The following DDX47 variants were observed in gnomAD, a reference collection of about 807,000 sequenced individuals.
DDX47 encodes probable ATP-dependent RNA helicase DDX47.
A neutral mutation model predicts 58.8 loss-of-function variants in DDX47; 60 were observed. The observed-to-expected ratio is 1.02, with a 90% CI of 0.83 to 1.26. DDX47 has a LOEUF of 1.26. DDX47 is among the 50% of genes most tolerant of loss of function. The pLI, the probability that DDX47 is intolerant of heterozygous loss-of-function variation, is 0.00. For synonymous variants in DDX47, 197 were observed against 204.6 expected (o/e 0.96, Z 0.32); for missense variants, 530 against 573.2 (o/e 0.92, Z 0.77).
intron 1 of DDX47, 92 bp downstream of exon 1, chr12:12,813,546 A>G (rs1471439702): frequency 1.6e-5 from 19 of 1,181,324 alleles, no homozygotes; most frequent in Non-Finnish European, 2.2e-5. Flanking sequence ...GATAGTGTAC[A>G]AAAGCATCTT....
chr12:12,822,662 T>G lies in DDX47; in HGVS notation c.563T>G (p.Val188Gly), dbSNP rs778387970. 6.2e-7 allele frequency: 1 copy of G among 1,613,826 alleles called. No individual in the cohort carries two copies. The highest frequency in any genetic ancestry group is 8.5e-7 in the Non-Finnish European group (1 of 1,179,780). Residue 188 changes from valine to glycine, a missense_variant and splice_region_variant, in exon 6 of 12, where the codon GTT (valine) becomes GGT (glycine). By Grantham distance (109) the Val-to-Gly change is moderately radical. Coordinates refer to ENST00000358007, the MANE Select transcript of DDX47 (RefSeq NM_016355.4). ...CATCTTTTCCTCTTTGTGCTTTAGG[T>G]TGACAAGATCCTCAAAGTGATTCCT... ...RILNMDFETEVDKILKVIPRD... is the reference protein window; with the variant it reads ...RILNMDFETEGDKILKVIPRD...
Position 12,821,191 on chromosome 12 carries a change from A to G in DDX47, c.182-17A>G. 6.2e-7 allele frequency: 1 copy of G among 1,613,466 alleles called. No individual in the cohort carries two copies. Among genetic ancestry groups the G allele is most frequent in the African/African-American group, 1.3e-5 (1 of 74,902 alleles). On this transcript the variant is annotated splice_polypyrimidine_tract_variant and intron_variant, in intron 2 of 11. Transcript: ENST00000358007. ...CGCAAAGAGATTACTTGGCTGTTGA[A>G]TTTCTTTTTCTTTTAGGTCGTGATA... is the stretch of plus-strand genomic sequence containing the variant.
chr12:12,823,382 T>C (rs1863002587), intron 7 of DDX47, 63 bp downstream of exon 7: 1 of 1,018,294 alleles, frequency 9.8e-7, no homozygotes, highest in Non-Finnish European at 1.6e-6. Context: ...CATCTGAAAA[T>C]GTGTCAACTC....
intron 2 of DDX47, among the ~76,000 whole-genome samples, chr12:12,816,478 A>G (rs757420690): frequency 2.6e-5 from 4 of 152,174 alleles, no homozygotes; most frequent in African/African-American, 4.8e-5. Flanking sequence ...TTTTTTGTCA[A>G]TTAACAAAAC....
chr12:12,813,775 A>G (rs1862850981), intron 1 of DDX47, among the ~76,000 whole-genome samples: 1 of 152,228 alleles, frequency 6.6e-6, no homozygotes, highest in Non-Finnish European at 1.5e-5. Flanking sequence ...TGAACCAACC[A>G]GATTTGAATT....
chr12:12,819,053 T>C (rs1380279595), intron 2 of DDX47, among the ~76,000 whole-genome samples: 1 of 152,214 alleles, frequency 6.6e-6, no homozygotes, highest in African/African-American at 2.4e-5. Context: ...GATTAATGTT[T>C]AAGAGGTGGA....
rs1478098663 is a variant in DDX47 at position 12,829,958 on chromosome 12, A to T, written c.*404A>T. 1 of 153,540 alleles carries T rather than the reference A, an allele frequency of 6.5e-6. No homozygotes were observed. Among genetic ancestry groups the T allele is most frequent in the Non-Finnish European group, 1.4e-5 (1 of 68,972 alleles). 9.5% of individuals were successfully genotyped at this position (153,540 alleles called of 1,614,324 possible). On this transcript the variant is annotated 3_prime_UTR_variant, in exon 12 of 12. Coordinates refer to ENST00000358007, the MANE Select transcript of DDX47 (RefSeq NM_016355.4). ...TTATTCAAACTAATGTGAAACAATA[A>T]ATTTAAATATTATTTTTAAAAGATT...
Position 12,829,661 on chromosome 12 carries a change from GA to G in DDX47, c.*109del. On this transcript the variant is annotated 3_prime_UTR_variant, in exon 12 of 12. Coordinates refer to ENST00000358007, the MANE Select transcript of DDX47 (RefSeq NM_016355.4). ...CTGAAATTGGTCAGAATTGTGTCCA[GA>G]ATGTGCTCAGCTAATTCAGTATTCT... The G allele has an allele frequency of 1.4e-6, 2 of 1,386,842 alleles. No individual in the cohort carries two copies. The highest frequency in any genetic ancestry group is 1.9e-6 in the Non-Finnish European group (2 of 1,029,996). The allele number at this position is 1,386,842 out of a possible 1,614,324, so 85.9% of individuals were successfully genotyped here.
chr12:12,826,668 T>C (rs1405679081), intron 10 of DDX47, among the ~76,000 whole-genome samples: 1 of 152,202 alleles, frequency 6.6e-6, no homozygotes, highest in Non-Finnish European at 1.5e-5. Context: ...CAGGCTGGTC[T>C]TGAACTCCTG....
chr12:12,819,349 CTT>C (rs759308262), intron 2 of DDX47, among the ~76,000 whole-genome samples: 11 of 139,462 alleles, frequency 7.9e-5, no homozygotes, highest in Admixed American at 1.5e-4. Flanking sequence ...ATCTATGGAG[CTT>C]TTTTTTTTTT....
At chr12:12,816,495 A>G (rs972315457) in intron 2 of DDX47, among the ~76,000 whole-genome samples, 1 of 152,122 alleles carries the variant, frequency 6.6e-6, no homozygotes, top group African/African-American at 2.4e-5. Context: ...AAACTGGGGG[A>G]CAATAAAAAA....
intron 2 of DDX47, among the ~76,000 whole-genome samples, chr12:12,816,885 G>A (rs1035353960): frequency 6.6e-6 from 1 of 152,110 alleles, no homozygotes. Flanking sequence ...TAGGTGAGAA[G>A]GAGTCAAAAT....
chr12:12,814,412 A>G, intron 2 of DDX47, 188 bp downstream of exon 2: 1 of 533,110 alleles, frequency 1.9e-6, no homozygotes, highest in East Asian at 3.4e-5. Context: ...TTAATAGCTG[A>G]AAGGGTTTGT....
At chr12:12,819,432 A>G (rs1161244815) in intron 2 of DDX47, among the ~76,000 whole-genome samples, 2 of 151,142 alleles carry the variant, frequency 1.3e-5, no homozygotes, top group Admixed American at 1.3e-4. Context: ...GACCGGGCAT[A>G]TATATATATG....
intron 3 of DDX47, 90 bp downstream of exon 3, chr12:12,821,486 C>A: frequency 6.6e-7 from 1 of 1,513,202 alleles, no homozygotes; most frequent in South Asian, 1.1e-5. Flanking sequence ...GTATTGCTAG[C>A]ATAATTTATT....
intron 8 of DDX47, 83 bp from the exon 9 acceptor site, chr12:12,824,457 T>G: frequency 1.4e-6 from 2 of 1,477,658 alleles, no homozygotes; most frequent in Non-Finnish European, 1.8e-6. Flanking sequence ...TTTATGTCTG[T>G]TTGTTCTCGT....
intron 2 of DDX47, among the ~76,000 whole-genome samples, chr12:12,820,964 G>A (rs1302337585): frequency 6.6e-6 from 1 of 152,072 alleles, no homozygotes; most frequent in East Asian, 1.9e-4. Flanking sequence ...GCTGTATTTT[G>A]CAGGGGCTTA....
Position 12,821,166 on chromosome 12 carries a change from C to T in DDX47, c.182-42C>T, listed in dbSNP as rs137901890. 59 of 1,589,392 alleles carry T rather than the reference C, an allele frequency of 3.7e-5. No individual in the cohort carries two copies. In the East Asian group the frequency reaches 5.6e-4, roughly 15 times the overall value. On this transcript the variant is annotated intron_variant, in intron 2 of 11. Coordinates refer to ENST00000358007, the MANE Select transcript of DDX47 (RefSeq NM_016355.4). ...GTCATTGTAGAAAACACAGAAATAG[C>T]GCAAAGAGATTACTTGGCTGTTGAA... is the stretch of plus-strand genomic sequence containing the variant.
chr12:12,819,031 C>T (rs1326522037), intron 2 of DDX47, among the ~76,000 whole-genome samples: 1 of 152,140 alleles, frequency 6.6e-6, no homozygotes, highest in African/African-American at 2.4e-5. Context: ...CATGGCAGAT[C>T]CTGGTTTAAC....
Sources: allele counts gnomAD v4.1 joint callset (sites outside exome capture counted in the v4.1 genomes callset), GRCh38; gene constraint gnomAD v4.1.1; transcripts MANE v1.5; gene names NCBI Gene and HGNC (gene_info 2026-07-23, HGNC 2026-07-21).